Variants in PRORP observed in about 807,000 individuals in gnomAD.
The protein encoded by PRORP is mitochondrial ribonuclease P catalytic subunit.
In PRORP, 51 loss-of-function variants were observed where a neutral mutation model predicts 59.4. The ratio of observed to expected loss-of-function variants is 0.86; its 90% CI spans 0.69 to 1.08. PRORP has a LOEUF of 1.08. Among genes scored for constraint, PRORP ranks in the 50% least tolerant of loss-of-function variants. The pLI, the probability that PRORP is intolerant of heterozygous loss-of-function variation, is 0.00. For missense variants in PRORP, 646 were observed against 690.3 expected (o/e 0.94, Z 0.72); for synonymous variants, 231 against 245.6 (o/e 0.94, Z 0.55).
At chr14:35,235,070 A>G (rs1052487323) in intron 5 of PRORP, 29 of 408,220 alleles carry the variant, frequency 7.1e-5, no homozygotes, top group African/African-American at 5.0e-4. Flanking sequence ...CACTCTTTCA[A>G]TGTTACCAGT....
At chr14:35,257,713 C>T (rs1465276508) in intron 5 of PRORP, among the ~76,000 whole-genome samples, 2 of 152,096 alleles carry the variant, frequency 1.3e-5, no homozygotes, top group Non-Finnish European at 2.9e-5. Flanking sequence ...TGCTGAGGAA[C>T]AGACGAAGAA....
intron 5 of PRORP, among the ~76,000 whole-genome samples, chr14:35,197,040 C>T (rs1401383093): frequency 6.6e-6 from 1 of 152,156 alleles, no homozygotes; most frequent in Admixed American, 6.5e-5. Context: ...AACAAGATTT[C>T]CCCAATTGTT....
chr14:35,246,198 T>C (rs1480812977), intron 5 of PRORP, among the ~76,000 whole-genome samples: 4 of 152,170 alleles, frequency 2.6e-5, no homozygotes, highest in African/African-American at 9.6e-5. Flanking sequence ...TTTTCATTCA[T>C]TGAGTTGAAC....
chr14:35,124,271 AT>A (rs71435858), intron 2 of PRORP, 40 bp downstream of exon 2: 54,135 of 1,095,054 alleles, frequency 0.049, 1 homozygote, highest in East Asian at 0.092. Flanking sequence ...TTATTCTTTA[AT>A]TTTTTTTTTT....
intron 3 of PRORP, 143 bp from the exon 4 acceptor site, chr14:35,127,336 A>C: frequency 3.4e-6 from 2 of 580,254 alleles, no homozygotes. Flanking sequence ...TTTACAAAAA[A>C]TTAGATGTAT....
intron 5 of PRORP, among the ~76,000 whole-genome samples, chr14:35,257,936 C>T (rs1208955089): frequency 6.6e-6 from 1 of 152,144 alleles, no homozygotes; most frequent in Non-Finnish European, 1.5e-5. Flanking sequence ...TTTCTATTTC[C>T]GGAGCATCCC....
intron 5 of PRORP, among the ~76,000 whole-genome samples, chr14:35,225,605 C>A (rs1299502381): frequency 1.3e-5 from 2 of 152,048 alleles, no homozygotes; most frequent in African/African-American, 4.8e-5. Flanking sequence ...CCTTGGCCTC[C>A]CAAAGTGCTG....
intron 5 of PRORP, among the ~76,000 whole-genome samples, chr14:35,257,508 G>A (rs1419868359): frequency 6.6e-6 from 1 of 152,090 alleles, no homozygotes; most frequent in Non-Finnish European, 1.5e-5. Context: ...CATCCATGTT[G>A]TAGCATGTAT....
chr14:35,160,729 A>G (rs1461236200), intron 4 of PRORP, among the ~76,000 whole-genome samples: 1 of 152,170 alleles, frequency 6.6e-6, no homozygotes, highest in Non-Finnish European at 1.5e-5. Flanking sequence ...TTTTGTTGTC[A>G]TTAATTTGGT....
At chr14:35,267,654 G>A (rs1479696250) in intron 6 of PRORP, among the ~76,000 whole-genome samples, 6 of 152,182 alleles carry the variant, frequency 3.9e-5, no homozygotes, top group African/African-American at 7.2e-5. Context: ...GGTGGCGGGC[G>A]CCTGTAGTCC....
intron 5 of PRORP, among the ~76,000 whole-genome samples, chr14:35,246,626 C>T (rs1257083519): frequency 6.6e-6 from 1 of 152,102 alleles, no homozygotes; most frequent in African/African-American, 2.4e-5. Flanking sequence ...TCTCTAAAGT[C>T]ATTGTGGATT....
chr14:35,172,293 C>T (rs1310374513), intron 4 of PRORP, among the ~76,000 whole-genome samples: 1 of 151,840 alleles, frequency 6.6e-6, no homozygotes, highest in East Asian at 1.9e-4. Context: ...AGGTGAGGCA[C>T]CTGCCTCAGG....
chr14:35,183,983 A>G (rs912283421), intron 5 of PRORP, among the ~76,000 whole-genome samples: 3 of 152,156 alleles, frequency 2.0e-5, no homozygotes. Flanking sequence ...TCGAAGTTCT[A>G]TAAGTTTTAA....
At chr14:35,178,807 C>T (rs1355816520) in intron 4 of PRORP, among the ~76,000 whole-genome samples, 3 of 152,132 alleles carry the variant, frequency 2.0e-5, no homozygotes, top group South Asian at 4.1e-4. Flanking sequence ...TTATTTTGCT[C>T]ATTAGTTGAT....
chr14:35,161,264 T>C (rs1242895585), intron 4 of PRORP, among the ~76,000 whole-genome samples: 1 of 152,248 alleles, frequency 6.6e-6, no homozygotes, highest in Non-Finnish European at 1.5e-5. Context: ...TTTAATTTTC[T>C]TGAGTCCTTA....
chr14:35,161,835 T>C (rs1283176482), intron 4 of PRORP, among the ~76,000 whole-genome samples: 1 of 152,164 alleles, frequency 6.6e-6, no homozygotes, highest in Non-Finnish European at 1.5e-5. Context: ...TTTAAACTTG[T>C]AAGTAAATTC....
chr14:35,267,931 C>G (rs1345261917), intron 6 of PRORP, among the ~76,000 whole-genome samples: 1 of 152,102 alleles, frequency 6.6e-6, no homozygotes, highest in South Asian at 2.1e-4. Flanking sequence ...ATGCAGAGGA[C>G]CTTGCAGATC....
intron 5 of PRORP, among the ~76,000 whole-genome samples, chr14:35,188,390 C>T (rs2048796361): frequency 1.3e-5 from 2 of 151,248 alleles, no homozygotes; most frequent in African/African-American, 4.9e-5. Flanking sequence ...GGGGTTTCAC[C>T]ATGTTGGTCA....
intron 5 of PRORP, among the ~76,000 whole-genome samples, chr14:35,200,485 C>T (rs866652426): frequency 7.2e-5 from 11 of 152,118 alleles, no homozygotes; most frequent in East Asian, 1.9e-4. Context: ...CCACCGCGCC[C>T]GGCCTAAGTA....
Sources: allele counts gnomAD v4.1 joint callset (sites outside exome capture counted in the v4.1 genomes callset), GRCh38; gene constraint gnomAD v4.1.1; transcripts MANE v1.5; gene names NCBI Gene and HGNC (gene_info 2026-07-23, HGNC 2026-07-21).